WDR70: variants seen among roughly 807,000 people sequenced by gnomAD.
WDR70 encodes the protein WD repeat domain 70, also known as WD repeat-containing protein 70.
In WDR70, 53 loss-of-function variants were observed where a neutral mutation model predicts 88.6. That is an observed-to-expected ratio of 0.60 (90% CI 0.48 to 0.75). The LOEUF (loss-of-function observed/expected upper bound fraction) is 0.75. Ranked by LOEUF, WDR70 falls within the 30% of genes least tolerant of loss-of-function variation. The pLI is 0.00. For synonymous variants in WDR70, 280 were observed against 270.0 expected, an observed-to-expected ratio of 1.04 and a Z score of -0.36; for missense variants, 610 against 823.2, an observed-to-expected ratio of 0.74 and a Z score of 3.17.
chr5:37,431,468 T>G (rs1310144205), intron 5 of WDR70, among the ~76,000 whole-genome samples: 14 of 152,214 alleles, frequency 9.2e-5, no homozygotes. Context: ...GGCTTCCCTG[T>G]GCTTACACTG....
At chr5:37,510,084 C>G (rs978684964) in intron 8 of WDR70, among the ~76,000 whole-genome samples, 1 of 150,590 alleles carries the variant, frequency 6.6e-6, no homozygotes, top group Non-Finnish European at 1.5e-5. Context: ...CACTCCCCCC[C>G]CCAAAAAAAA....
At chr5:37,574,594 A>C in intron 9 of WDR70, among the ~76,000 whole-genome samples, 1 of 152,030 alleles carries the variant, frequency 6.6e-6, no homozygotes, top group East Asian at 1.9e-4. Flanking sequence ...AATCCTTTAC[A>C]TCTCTAGTTC....
chr5:37,633,980 G>A (rs79945095), intron 10 of WDR70, among the ~76,000 whole-genome samples: 1 of 151,882 alleles, frequency 6.6e-6, no homozygotes, highest in Non-Finnish European at 1.5e-5. Context: ...TTATTCTACA[G>A]GAGAGTATTT....
At chr5:37,662,700 C>T (rs909038122) in intron 10 of WDR70, among the ~76,000 whole-genome samples, 1 of 152,084 alleles carries the variant, frequency 6.6e-6, no homozygotes, top group East Asian at 1.9e-4. Flanking sequence ...GTTGTAAATT[C>T]CTCTTCATTT....
At chr5:37,621,383 C>T (rs189115311) in intron 10 of WDR70, among the ~76,000 whole-genome samples, 12 of 152,128 alleles carry the variant, frequency 7.9e-5, no homozygotes, top group Non-Finnish European at 1.5e-4. Flanking sequence ...AGTGTATTCA[C>T]AGTGTTGCAA....
chr5:37,451,159 A>C (rs183980273), intron 7 of WDR70, among the ~76,000 whole-genome samples: 1 of 152,034 alleles, frequency 6.6e-6, no homozygotes, highest in South Asian at 2.1e-4. Flanking sequence ...TGGTCTCCCA[A>C]AGTGCTGGGA....
chr5:37,678,945 T>C (rs1314798713), intron 10 of WDR70, among the ~76,000 whole-genome samples: 1 of 152,240 alleles, frequency 6.6e-6, no homozygotes, highest in Non-Finnish European at 1.5e-5. Context: ...TTATTCTTTT[T>C]TCTCTAAACT....
At chr5:37,504,317 A>G (rs1740494509) in intron 8 of WDR70, among the ~76,000 whole-genome samples, 1 of 151,526 alleles carries the variant, frequency 6.6e-6, no homozygotes, top group Non-Finnish European at 1.5e-5. Flanking sequence ...CTGATACAGT[A>G]CCATTCTGTC....
rs181512016 is a variant in WDR70, at chr5:37,605,091, T to C, written c.945T>C (p.Asn315=). The C allele has an allele frequency of 6.2e-7, 1 of 1,610,856 alleles. No individual in the cohort carries two copies. The change falls in exon 10 of 18, where the codon AAT becomes AAC. Residue 315 remains asparagine, a synonymous_variant. Transcript: ENST00000265107. ...DATVRTWEVE[N]PKKQKSVFKP... ...CTGTGAGGACGTGGGAAGTTGAAAA[T>C]CCAAAGAAGCAAAAAAGTGTGTTTA...
At chr5:37,409,804 C>A (rs1421371510) in intron 5 of WDR70, among the ~76,000 whole-genome samples, 4 of 152,208 alleles carry the variant, frequency 2.6e-5, no homozygotes, top group African/African-American at 9.6e-5. Flanking sequence ...CCATGCCCGG[C>A]TGAGAAACTG....
At chr5:37,685,755 G>T (rs1746572209) in intron 10 of WDR70, among the ~76,000 whole-genome samples, 1 of 152,152 alleles carries the variant, frequency 6.6e-6, no homozygotes, top group Non-Finnish European at 1.5e-5. Context: ...AGTGTCCATG[G>T]TGGTTGAAGG....
chr5:37,618,364 G>C (rs1014324575), intron 10 of WDR70, among the ~76,000 whole-genome samples: 1 of 152,050 alleles, frequency 6.6e-6, no homozygotes, highest in Non-Finnish European at 1.5e-5. Context: ...AAAACAGCAA[G>C]ATTTTATTTG....
intron 9 of WDR70, among the ~76,000 whole-genome samples, chr5:37,538,451 A>G (rs1000060440): frequency 6.6e-6 from 1 of 152,210 alleles, no homozygotes; most frequent in Non-Finnish European, 1.5e-5. Flanking sequence ...AATGTGAGAC[A>G]TTCATGTAAA....
At chr5:37,393,961 C>G (rs1183290332) in intron 4 of WDR70, among the ~76,000 whole-genome samples, 1 of 152,046 alleles carries the variant, frequency 6.6e-6, no homozygotes, top group African/African-American at 2.4e-5. Flanking sequence ...GGATTACAGG[C>G]GTGAACCACT....
At chr5:37,582,717 A>C (rs1388463727) in intron 9 of WDR70, among the ~76,000 whole-genome samples, 11 of 152,232 alleles carry the variant, frequency 7.2e-5, no homozygotes, top group Admixed American at 7.2e-4. Context: ...CAGACCTAAC[A>C]CATGTTTAGC....
At chr5:37,574,001 A>T (rs1473875031) in intron 9 of WDR70, among the ~76,000 whole-genome samples, 1 of 152,070 alleles carries the variant, frequency 6.6e-6, no homozygotes, top group African/African-American at 2.4e-5. Context: ...TATTGAGGGG[A>T]GGGGATTGAC....
At chr5:37,503,906 A>G (rs1403841113) in intron 8 of WDR70, among the ~76,000 whole-genome samples, 3 of 152,110 alleles carry the variant, frequency 2.0e-5, no homozygotes, top group East Asian at 1.9e-4. Flanking sequence ...GTTTGTGTGC[A>G]TAGAGGTGTT....
intron 5 of WDR70, among the ~76,000 whole-genome samples, chr5:37,403,412 C>G (rs550824615): frequency 6.6e-6 from 1 of 152,192 alleles, no homozygotes; most frequent in South Asian, 2.1e-4. Context: ...CTGTTTTAAT[C>G]CCCTTTCCCC....
chr5:37,577,376 A>T (rs1051686352), intron 9 of WDR70, among the ~76,000 whole-genome samples: 1 of 152,086 alleles, frequency 6.6e-6, no homozygotes, highest in Non-Finnish European at 1.5e-5. Context: ...TAGCTACTCA[A>T]GAGGCTGAGG....
Sources: gnomAD v4.1 joint callset for allele counts (sites outside exome capture counted in the v4.1 genomes callset) on GRCh38, gnomAD v4.1.1 for gene constraint, MANE v1.5 for transcripts, NCBI Gene and HGNC (gene_info 2026-07-23, HGNC 2026-07-21) for gene names.